TBC1D2B: variants seen among roughly 807,000 people sequenced by gnomAD.
TBC1D2B encodes the protein TBC1 domain family, member 2B.
TBC1D2B carries 64 observed loss-of-function variants against 100.8 expected under a neutral mutation model. That is an observed-to-expected ratio of 0.64 (90% CI 0.52 to 0.78). The LOEUF (loss-of-function observed/expected upper bound fraction) is 0.78, where lower values mean the gene tolerates loss of function less well. TBC1D2B is among the 30% of genes least tolerant of loss of function. TBC1D2B has a pLI of 0.00. For synonymous variants in TBC1D2B, 480 were observed against 479.7 expected (o/e 1.00, Z -0.01); for missense variants, 1,052 against 1,218.4 (o/e 0.86, Z 2.03).
intron 6 of TBC1D2B, among the ~76,000 whole-genome samples, chr15:78,023,076 C>T (rs948140606): frequency 6.6e-6 from 1 of 152,148 alleles, no homozygotes; most frequent in Admixed American, 6.5e-5. Flanking sequence ...CCCTAGCATG[C>T]CTATCATTCC....
At chr15:78,040,398 G>C (rs2073045953) in intron 3 of TBC1D2B, among the ~76,000 whole-genome samples, 1 of 151,992 alleles carries the variant, frequency 6.6e-6, no homozygotes, top group South Asian at 2.1e-4. Flanking sequence ...TTGGAATCTG[G>C]GGATACTGGG....
intron 1 of TBC1D2B, among the ~76,000 whole-genome samples, chr15:78,064,114 C>T (rs2073607566): frequency 6.6e-6 from 1 of 152,212 alleles, no homozygotes; most frequent in Admixed American, 6.5e-5. Context: ...AAAAGGCCCA[C>T]AAAAGCCTTC....
chr15:78,073,327 A>G (rs2073769316), intron 1 of TBC1D2B, among the ~76,000 whole-genome samples: 1 of 152,252 alleles, frequency 6.6e-6, no homozygotes, highest in African/African-American at 2.4e-5. Flanking sequence ...CAGCTTCTCC[A>G]GAGAGAGCTG....
chr15:78,066,436 G>C (rs2073659087), intron 1 of TBC1D2B, among the ~76,000 whole-genome samples: 1 of 152,154 alleles, frequency 6.6e-6, no homozygotes, highest in Non-Finnish European at 1.5e-5. Context: ...GTGTTTCACA[G>C]GGAAGCCACA....
At position 78,077,606 on chromosome 15, in the gene TBC1D2B, TCGCC is replaced by T; in HGVS notation, c.43_46del (p.Gly15ArgfsTer112). On this transcript the variant is annotated frameshift_variant, in exon 1 of 13. Transcript: ENST00000300584. LOFTEE classifies it high-confidence loss of function. ...CGCGGCCGCCCCCTGCGCCGCGCCC[TCGCC>T]GCCGCCGCCGCCCTCCTCCGCCCGG... 1 of 1,046,406 alleles carries T rather than the reference TCGCC, an allele frequency of 9.6e-7. No homozygotes were observed. Among genetic ancestry groups the T allele is most frequent in the Non-Finnish European group, 1.1e-6 (1 of 874,642 alleles). The allele number at this position is 1,046,406 out of a possible 1,614,324, so 64.8% of individuals were successfully genotyped here.
intron 1 of TBC1D2B, among the ~76,000 whole-genome samples, chr15:78,058,476 T>C (rs921816465): frequency 2.6e-5 from 4 of 152,240 alleles, no homozygotes; most frequent in Admixed American, 6.5e-5. Context: ...AGGCATCTGC[T>C]GGTCTGGCCC....
intron 8 of TBC1D2B, among the ~76,000 whole-genome samples, chr15:78,014,137 C>G (rs191588082): frequency 6.6e-6 from 1 of 152,328 alleles, no homozygotes; most frequent in East Asian, 1.9e-4. Flanking sequence ...CTATATTCCA[C>G]CAACAACTTA....
At position 78,048,531 on chromosome 15, in the gene TBC1D2B, G is replaced by A. The variant is rs1010405040; in HGVS notation, c.515-3463C>T. On this transcript the variant is annotated intron_variant, in intron 2 of 12. Coordinates refer to ENST00000300584, the MANE Select transcript of TBC1D2B (RefSeq NM_144572.2). ...TGGGGAAAGAAAGTCTGTGCCTGAC[G>A]GTTTTTGGTGTTTAGACCTCTGTCT... 2.4e-4 allele frequency among the ~76,000 whole-genome samples: 37 copies of A among 152,200 alleles called. 1 individual carries two copies. The highest frequency in any genetic ancestry group is 4.1e-4 in the Non-Finnish European group (28 of 68,032).
chr15:78,019,045 G>C (rs1429176156), intron 6 of TBC1D2B, among the ~76,000 whole-genome samples: 10 of 152,046 alleles, frequency 6.6e-5, no homozygotes, highest in African/African-American at 2.2e-4. Flanking sequence ...CGGCAGGCCA[G>C]GGTAGTCAAG....
chr15:78,034,478 T>C, intron 3 of TBC1D2B: 1 of 985,114 alleles, frequency 1.0e-6, no homozygotes, highest in Non-Finnish European at 1.2e-6. Flanking sequence ...TCCTTACCAT[T>C]TGCCCTAGCT....
intron 6 of TBC1D2B, among the ~76,000 whole-genome samples, chr15:78,020,028 C>CAA (rs2072477897): frequency 6.6e-6 from 1 of 152,036 alleles, no homozygotes; most frequent in Non-Finnish European, 1.5e-5. Flanking sequence ...TAGCTAGGAC[C>CAA]AAAGGCATGG....
At chr15:78,066,607 C>T (rs374467975) in intron 1 of TBC1D2B, among the ~76,000 whole-genome samples, 6 of 152,208 alleles carry the variant, frequency 3.9e-5, no homozygotes, top group South Asian at 4.1e-4. Flanking sequence ...TTAAGAACTG[C>T]GGTTCTGAGG....
chr15:78,003,581 T>C lies in TBC1D2B; in HGVS notation c.2389-91A>G, dbSNP rs544551214. On this transcript the variant is annotated intron_variant, in intron 10 of 12. Transcript: ENST00000300584. ...GACGCGCAACCTGAGAGCCTGGGGG[T>C]GGAGCCCAAGTGACAGCAGCACAAC... 12 of 954,130 alleles carry C rather than the reference T, an allele frequency of 1.3e-5. No homozygotes were observed. The South Asian group carries it at 1.8e-4, about 15-fold the overall frequency. The allele number at this position is 954,130 out of a possible 1,614,324, so 59.1% of individuals were successfully genotyped here. A position where few individuals can be genotyped will look rare whatever the true frequency, so the allele number is the denominator to read the frequency against.
In TBC1D2B at chr15:78,061,278, TATA is replaced by T. The variant is rs138671499; in HGVS notation, c.361-7094_361-7092del. 3.8e-3 allele frequency among the ~76,000 whole-genome samples: 572 copies of T among 150,398 alleles called. 4 individuals are homozygous for T. The highest frequency in any genetic ancestry group is 0.013 in the African/African-American group (546 of 40,848). ...AACAAAAGACCCTGTCTCTTAAAAA[TATA>T]ATAATAATAGGCCAGGCACAGTGGC... On this transcript the variant is annotated intron_variant, in intron 1 of 12. Coordinates refer to ENST00000300584, the MANE Select transcript of TBC1D2B (RefSeq NM_144572.2).
intron 2 of TBC1D2B, among the ~76,000 whole-genome samples, chr15:78,051,945 T>C (rs894168600): frequency 3.3e-5 from 5 of 152,240 alleles, no homozygotes; most frequent in African/African-American, 1.2e-4. Context: ...TCATTCCTTG[T>C]TCTTCGAAGC....
Position 78,073,686 on chromosome 15 carries a change from G to A in TBC1D2B, c.360+3607C>T, listed in dbSNP as rs141471149. Among the ~76,000 whole-genome samples the A allele has an allele frequency of 9.2e-5, 14 of 152,162 alleles. No homozygotes were observed. The East Asian group carries it at 1.9e-3, about 21-fold the overall frequency. On this transcript the variant is annotated intron_variant, in intron 1 of 12. Transcript: ENST00000300584. ...GAAATTTAATTTTCTTAAAACACACGCCTGGCTGGGTGCGGTGGCTCATAT... is the reference window on the plus strand; with the variant it reads ...GAAATTTAATTTTCTTAAAACACACACCTGGCTGGGTGCGGTGGCTCATAT...
At chr15:78,071,887 G>A (rs758615598) in intron 1 of TBC1D2B, among the ~76,000 whole-genome samples, 4 of 152,210 alleles carry the variant, frequency 2.6e-5, no homozygotes, top group Non-Finnish European at 5.9e-5. Flanking sequence ...TCTGAAGGCT[G>A]GAATGTCCAA....
intron 3 of TBC1D2B, among the ~76,000 whole-genome samples, chr15:78,031,574 A>AAAAAAAAG (rs1452770906): frequency 4.8e-4 from 71 of 147,554 alleles, no homozygotes; most frequent in African/African-American, 1.4e-3. Flanking sequence ...AAAAAAAAAA[A>AAAAAAAAG]AGAGAGAGAG....
chr15:78,073,852 C>A (rs1179745372), intron 1 of TBC1D2B, among the ~76,000 whole-genome samples: 3 of 151,626 alleles, frequency 2.0e-5, no homozygotes, highest in Admixed American at 2.0e-4. Flanking sequence ...CGCCTATAGT[C>A]CCTCAGCTCG....
Sources: allele counts gnomAD v4.1 joint callset (sites outside exome capture counted in the v4.1 genomes callset), GRCh38; gene constraint gnomAD v4.1.1; transcripts MANE v1.5; gene names NCBI Gene and HGNC (gene_info 2026-07-23, HGNC 2026-07-21).